Variants in NOL10 observed in about 807,000 individuals in gnomAD.
NOL10 encodes nucleolar protein 10, also known as H_NH0074G24.1.
NOL10 carries 58 observed loss-of-function variants against 103.5 expected under a neutral mutation model. That is an observed-to-expected ratio of 0.56 (90% CI 0.45 to 0.70). The LOEUF is 0.70. Among genes scored for constraint, NOL10 ranks in the 30% least tolerant of loss-of-function variants. The probability of loss-of-function intolerance (pLI) is 0.00; values close to 1 mark genes in which losing one functional copy is unlikely to be tolerated. For missense variants in NOL10, 763 were observed against 807.3 expected, an observed-to-expected ratio of 0.95 and a Z score of 0.67; for synonymous variants, 287 against 282.5, an observed-to-expected ratio of 1.02 and a Z score of -0.16.
chr2:10,651,203 T>C (rs1158948357), intron 12 of NOL10, among the ~76,000 whole-genome samples: 1 of 152,108 alleles, frequency 6.6e-6, no homozygotes, highest in Non-Finnish European at 1.5e-5. Flanking sequence ...TTTCAGCAGG[T>C]GTCTCTTTGG....
At chr2:10,619,246 G>A (rs532656940) in intron 13 of NOL10, among the ~76,000 whole-genome samples, 4 of 151,940 alleles carry the variant, frequency 2.6e-5, no homozygotes, top group African/African-American at 9.7e-5. Flanking sequence ...ACGGGCTTAA[G>A]CTATCCTCCT....
chr2:10,667,264 C>T lies in NOL10; in HGVS notation c.545G>A (p.Cys182Tyr). 6.3e-7 allele frequency: 1 copy of T among 1,587,048 alleles called. No individual in the cohort carries two copies. The highest frequency in any genetic ancestry group is 2.3e-5 in the East Asian group (1 of 44,030). The change falls in exon 8 of 21, where the codon TGT (cysteine) becomes TAT (tyrosine). Residue 182 changes from cysteine (C) to tyrosine (Y), a missense_variant. By Grantham distance (194) the Cys-to-Tyr change is radical (BLOSUM62 -2). Coordinates refer to ENST00000381685, the MANE Select transcript of NOL10 (RefSeq NM_024894.4). ...CAAGCCATGCACTGAATTTATGTCACAAACATTATTCTCCCTAACACAGGA... is the reference window on the plus strand; with the variant it reads ...CAAGCCATGCACTGAATTTATGTCATAAACATTATTCTCCCTAACACAGGA... ...LQTDAAENNVCDINSVHGLFA... is the reference protein window; with the variant it reads ...LQTDAAENNVYDINSVHGLFA...
chr2:10,679,568 TTTTTCTTTCTTTCCTTTTTCTTTC>T (rs1681573009), intron 3 of NOL10, among the ~76,000 whole-genome samples: 1 of 150,564 alleles, frequency 6.6e-6, no homozygotes, highest in South Asian at 2.1e-4. Flanking sequence ...CTTTCTTTCC[TTTTTCTTTCTTTCCTTTTTCTTTC>T]CTCTCTCCTT....
intron 13 of NOL10, among the ~76,000 whole-genome samples, chr2:10,636,220 T>C (rs762751465): frequency 2.6e-5 from 4 of 152,072 alleles, no homozygotes; most frequent in Non-Finnish European, 5.9e-5. Context: ...ATTTTCAAGA[T>C]ACTGTCAAAT....
At chr2:10,593,787 C>T (rs1675520381) in intron 17 of NOL10, among the ~76,000 whole-genome samples, 1 of 152,114 alleles carries the variant, frequency 6.6e-6, no homozygotes, top group African/African-American at 2.4e-5. Flanking sequence ...AAGGCTGGCA[C>T]ATGGGGGTGA....
Position 10,572,006 on chromosome 2 carries a change from C to A in NOL10, c.*65G>T. ...GTGTTTCCTCGTCTGTGTTTAACAC[C>A]CTAACGATGATCAGTTTGGGGGAGA... On this transcript the variant is annotated 3_prime_UTR_variant, in exon 21 of 21. Coordinates refer to ENST00000381685, the MANE Select transcript of NOL10 (RefSeq NM_024894.4). The A allele has an allele frequency of 2.5e-6, 4 of 1,573,688 alleles. No homozygotes were observed. The highest frequency in any genetic ancestry group is 3.5e-6 in the Non-Finnish European group (4 of 1,146,984).
intron 11 of NOL10, among the ~76,000 whole-genome samples, chr2:10,656,476 G>A (rs1679847013): frequency 6.6e-6 from 1 of 152,156 alleles, no homozygotes; most frequent in African/African-American, 2.4e-5. Context: ...ATTAGGTGAG[G>A]GCCTCAGGGA....
At chr2:10,603,715 C>CCAGT (rs1676106712) in intron 14 of NOL10, among the ~76,000 whole-genome samples, 1 of 152,212 alleles carries the variant, frequency 6.6e-6, no homozygotes, top group South Asian at 2.1e-4. Context: ...AAGTCCACTG[C>CCAGT]CAGTCAGCAT....
chr2:10,629,640 A>T (rs6752034), intron 13 of NOL10, among the ~76,000 whole-genome samples: 32,723 of 152,116 alleles, frequency 0.22, 4,599 homozygotes, highest in East Asian at 0.44. Context: ...TTATTTAAAC[A>T]ACCAGATGTT....
intron 13 of NOL10, among the ~76,000 whole-genome samples, chr2:10,618,843 G>C (rs1676977101): frequency 6.6e-6 from 1 of 152,172 alleles, no homozygotes; most frequent in Non-Finnish European, 1.5e-5. Flanking sequence ...TATCTGAAAA[G>C]ACTATGCCTA....
chr2:10,674,816 G>A (rs1398508972), intron 4 of NOL10, among the ~76,000 whole-genome samples: 5 of 151,522 alleles, frequency 3.3e-5, no homozygotes, highest in South Asian at 4.2e-4. Flanking sequence ...CAGCCTGGGC[G>A]ACAGAGCAAG....
chr2:10,612,662 C>T (rs1385113314), intron 13 of NOL10, among the ~76,000 whole-genome samples: 1 of 152,006 alleles, frequency 6.6e-6, no homozygotes, highest in Non-Finnish European at 1.5e-5. Context: ...ACCACCACAA[C>T]CAGCTAAATT....
At chr2:10,607,148 G>A in intron 14 of NOL10, 37 bp downstream of exon 14, 4 of 1,391,966 alleles carry the variant, frequency 2.9e-6, no homozygotes, top group Non-Finnish European at 3.9e-6. Flanking sequence ...TAGAAATAAA[G>A]TAATTACATA....
At chr2:10,644,947 A>G (rs1678952215) in intron 12 of NOL10, among the ~76,000 whole-genome samples, 1 of 152,158 alleles carries the variant, frequency 6.6e-6, no homozygotes. Context: ...CTTCCCCACA[A>G]GTGTTCTGAA....
At chr2:10,577,615 T>A (rs752563225) in intron 20 of NOL10, 21 bp downstream of exon 20, 1 of 1,554,286 alleles carries the variant, frequency 6.4e-7, no homozygotes, top group Admixed American at 1.8e-5. Context: ...AATTAAAAAA[T>A]AACAATAAAA....
At chr2:10,630,942 T>C (rs1677803632) in intron 13 of NOL10, among the ~76,000 whole-genome samples, 1 of 152,212 alleles carries the variant, frequency 6.6e-6, no homozygotes, top group African/African-American at 2.4e-5. Context: ...ATAAATTCCC[T>C]AGGGAAGAGT....
At position 10,684,610 on chromosome 2, in the gene NOL10, C is replaced by A; in HGVS notation, c.69G>T (p.Trp23Cys). The A allele has an allele frequency of 6.4e-7, 1 of 1,564,866 alleles. No individual in the cohort carries two copies. Among genetic ancestry groups the A allele is most frequent in the Non-Finnish European group, 8.7e-7 (1 of 1,153,666 alleles). The change falls in exon 2 of 21, where the codon TGG (tryptophan) becomes TGT (cysteine). Residue 23 changes from tryptophan (W) to cysteine (C), a missense_variant and splice_region_variant. Physicochemically the swap from Trp to Cys is radical, Grantham distance 215. Coordinates refer to ENST00000381685, the MANE Select transcript of NOL10 (RefSeq NM_024894.4). ...GCGCTCTCTTCTTCCTATCAGAAAG[C>A]CACTTAAAGAAAATGAAGAGAGTTT... ...SLSCGKSLPEWLSDRKKRALQ... is the reference protein window; with the variant it reads ...SLSCGKSLPECLSDRKKRALQ...
chr2:10,684,276 CA>C (rs55930710), intron 2 of NOL10, among the ~76,000 whole-genome samples: 45,234 of 134,770 alleles, frequency 0.34, 7,531 homozygotes, highest in South Asian at 0.49. Context: ...AACTCCATCT[CA>C]AAAAAAAAAA....
chr2:10,629,005 G>C (rs1677663016), intron 13 of NOL10, among the ~76,000 whole-genome samples: 1 of 152,064 alleles, frequency 6.6e-6, no homozygotes, highest in Non-Finnish European at 1.5e-5. Context: ...GTTTAGTCCA[G>C]GACATATGCC....
Sources: gnomAD v4.1 joint callset for allele counts (sites outside exome capture counted in the v4.1 genomes callset) on GRCh38, gnomAD v4.1.1 for gene constraint, MANE v1.5 for transcripts, NCBI Gene and HGNC (gene_info 2026-07-23, HGNC 2026-07-21) for gene names.